GLI3: variants seen among roughly 807,000 people sequenced by gnomAD.
GLI3 encodes the protein transcription activator GLI3.
In GLI3, 20 loss-of-function variants were observed where a neutral mutation model predicts 100.8. The ratio of observed to expected loss-of-function variants is 0.20; its 90% CI spans 0.14 to 0.29. The LOEUF (loss-of-function observed/expected upper bound fraction) is 0.29. Ranked by LOEUF, GLI3 falls within the 10% of genes least tolerant of loss-of-function variation. GLI3 has a pLI of 1.00. For missense variants in GLI3, 2,040 were observed against 2,128.5 expected (o/e 0.96, Z 0.82); for synonymous variants, 938 against 860.5 (o/e 1.09, Z -1.58).
upstream of GLI3, among the ~76,000 whole-genome samples, chr7:42,242,135 G>A (rs569762753): frequency 4.6e-5 from 7 of 152,154 alleles, no homozygotes; most frequent in South Asian, 1.5e-3. Context: ...TATCCACCTG[G>A]CAGCAATGTT....
intron 2 of GLI3, among the ~76,000 whole-genome samples, chr7:42,201,425 T>G (rs1455851489): frequency 6.6e-6 from 1 of 152,154 alleles, no homozygotes; most frequent in Non-Finnish European, 1.5e-5. Context: ...GTTAAGTACT[T>G]TATTCCAAGA....
At chr7:41,998,454 A>G (rs1237811741) in intron 10 of GLI3, among the ~76,000 whole-genome samples, 3 of 152,332 alleles carry the variant, frequency 2.0e-5, no homozygotes, top group South Asian at 2.1e-4. Context: ...ACAAATTGCT[A>G]ATTATGCATT....
intron 4 of GLI3, among the ~76,000 whole-genome samples, chr7:42,053,153 G>A (rs1038279578): frequency 1.3e-5 from 2 of 152,152 alleles, no homozygotes; most frequent in Non-Finnish European, 2.9e-5. Context: ...GTGCCACCAT[G>A]CCCAGCTAAG....
Position 41,972,511 on chromosome 7 carries a change from T to G in GLI3, c.1929A>C (p.Arg643=). The change falls in exon 13 of 15, where the codon CGA becomes CGC. Residue 643 remains arginine, a synonymous_variant. Transcript: ENST00000395925. This position sits in a 1 kb window ranked among gnomAD's most constrained non-coding sequence, Gnocchi z 4.4. ...GTGGCGGCCGAGGATGGATGTCCCC[T>G]CGCTGCTTCTTGGTGACATGAGCCT... ...GPEAHVTKKQ[R]GDIHPRPPPP... 6.2e-7 allele frequency: 1 copy of G among 1,613,392 alleles called. No individual in the cohort carries two copies. The highest frequency in any genetic ancestry group is 1.3e-5 in the African/African-American group (1 of 74,996).
chr7:42,087,635 G>A (rs1309489365), intron 3 of GLI3, among the ~76,000 whole-genome samples: 1 of 151,916 alleles, frequency 6.6e-6, no homozygotes, highest in Admixed American at 6.5e-5. Flanking sequence ...AAAGCTCTTA[G>A]ACACAAAAGG....
At chr7:42,180,397 G>A (rs1787569092) in intron 2 of GLI3, among the ~76,000 whole-genome samples, 1 of 152,260 alleles carries the variant, frequency 6.6e-6, no homozygotes. Context: ...ATGGCCCTGT[G>A]AAAGAGAGCT....
chr7:42,141,493 G>A (rs868354383), intron 3 of GLI3, among the ~76,000 whole-genome samples: 8 of 152,050 alleles, frequency 5.3e-5, no homozygotes, highest in African/African-American at 1.4e-4. Flanking sequence ...CCAACATGGC[G>A]AAACCCCGTG....
intron 7 of GLI3, among the ~76,000 whole-genome samples, chr7:42,027,815 C>T (rs1041375089): frequency 8.5e-5 from 13 of 152,244 alleles, no homozygotes; most frequent in Admixed American, 4.6e-4. Flanking sequence ...AAAGCAGAAA[C>T]GTGGTGAAAA....
In GLI3 at chr7:42,065,090, T is replaced by G. The variant is rs188958573; in HGVS notation, c.473+11662A>C. 4.6e-3 allele frequency among the ~76,000 whole-genome samples: 695 copies of G among 152,156 alleles called. 5 individuals carry two copies. The highest frequency in any genetic ancestry group is 0.016 in the African/African-American group (662 of 41,540). On this transcript the variant is annotated intron_variant, in intron 4 of 14. Coordinates refer to ENST00000395925, the MANE Select transcript of GLI3 (RefSeq NM_000168.6). ...CTGTGTTAAAAATAAGTATTTATAC[T>G]GTATCATTTTCATCACAGACTGTGT...
At chr7:42,148,200 AAG>A (rs771234638) in intron 3 of GLI3, 24 bp downstream of exon 3, 2 of 1,594,128 alleles carry the variant, frequency 1.3e-6, no homozygotes, top group South Asian at 1.1e-5. Flanking sequence ...GCTCCTGAAC[AAG>A]TGCCGACTGG....
chr7:42,150,914 G>A (rs977524523), intron 2 of GLI3, among the ~76,000 whole-genome samples: 4 of 152,134 alleles, frequency 2.6e-5, no homozygotes, highest in African/African-American at 4.8e-5. Context: ...GAGGGTAATC[G>A]GGGCGGCGGA....
intron 2 of GLI3, among the ~76,000 whole-genome samples, chr7:42,194,525 T>G (rs1319886222): frequency 6.6e-6 from 1 of 152,178 alleles, no homozygotes; most frequent in East Asian, 1.9e-4. Flanking sequence ...CTGAGCTTTA[T>G]ATCCAGCCAC....
chr7:42,180,010 G>A (rs183522673), intron 2 of GLI3, among the ~76,000 whole-genome samples: 1 of 152,140 alleles, frequency 6.6e-6, no homozygotes, highest in African/African-American at 2.4e-5. Context: ...GCAAATCAGT[G>A]GTATTTCAAT....
At chr7:42,168,789 G>A (rs1007041598) in intron 2 of GLI3, among the ~76,000 whole-genome samples, 7 of 151,966 alleles carry the variant, frequency 4.6e-5, no homozygotes, top group Admixed American at 1.3e-4. Context: ...ATGGTGGCAC[G>A]CACTAGTGGT....
At position 42,111,118 on chromosome 7, in the gene GLI3, C is replaced by T. The variant is rs117089465; in HGVS notation, c.368-34261G>A. Among the ~76,000 whole-genome samples, 87 of 152,318 alleles carry T rather than the reference C, an allele frequency of 5.7e-4. No individual in the cohort carries two copies. In the East Asian group the frequency reaches 0.016, roughly 28 times the overall value. On this transcript the variant is annotated intron_variant, in intron 3 of 14. Transcript: ENST00000395925. The stretch of plus-strand genomic sequence containing the variant: ...TATTAAGGACTTACTACAGGGTTGG[C>T]TGAAATAAATAATAAGTAAATAACA...
At chr7:42,230,784 T>C (rs1788682347) in intron 1 of GLI3, among the ~76,000 whole-genome samples, 1 of 152,210 alleles carries the variant, frequency 6.6e-6, no homozygotes, top group Admixed American at 6.5e-5. Flanking sequence ...GCAGCATGCA[T>C]AGCAGGTGCC....
At chr7:41,998,880 T>C (rs1352136302) in intron 10 of GLI3, among the ~76,000 whole-genome samples, 1 of 152,218 alleles carries the variant, frequency 6.6e-6, no homozygotes, top group African/African-American at 2.4e-5. Context: ...ATATTAGTTT[T>C]CACCCCAACC....
intron 2 of GLI3, among the ~76,000 whole-genome samples, chr7:42,169,601 C>T (rs938323273): frequency 2.0e-5 from 3 of 152,146 alleles, no homozygotes. Context: ...CCAATCCTCC[C>T]CTTGCTGGGT....
chr7:42,023,353 C>G, intron 10 of GLI3, 115 bp downstream of exon 10: 2 of 1,047,138 alleles, frequency 1.9e-6, no homozygotes, highest in South Asian at 2.6e-5. Flanking sequence ...AAAGCCCTCT[C>G]CAGTTCGCAA....
Sources: allele counts gnomAD v4.1 joint callset (sites outside exome capture counted in the v4.1 genomes callset), GRCh38; gene constraint gnomAD v4.1.1; non-coding constraint Gnocchi (gnomAD v3.1); transcripts MANE v1.5; gene names NCBI Gene and HGNC (gene_info 2026-07-23, HGNC 2026-07-21).